Variants in SPTBN2 observed in about 807,000 individuals in gnomAD.
SPTBN2 encodes spectrin beta, non-erythrocytic 2.
SPTBN2 carries 107 observed loss-of-function variants against 284.2 expected under a neutral mutation model. The observed-to-expected ratio is 0.38, with a 90% confidence interval of 0.32 to 0.44. SPTBN2 has a LOEUF of 0.44. Ranked by LOEUF, SPTBN2 falls within the 20% of genes least tolerant of loss-of-function variation. SPTBN2 has a pLI of 1.00. For synonymous variants in SPTBN2, 1,289 were observed against 1,354.8 expected (o/e 0.95, Z 1.07); for missense variants, 2,569 against 3,287.1 (o/e 0.78, Z 5.34).
In SPTBN2 at chr11:66,708,066, C is replaced by A. The variant is rs547624651; in HGVS notation, c.1350+75G>T. 22 of 1,601,956 alleles carry A rather than the reference C, an allele frequency of 1.4e-5. No individual in the cohort carries two copies. Among genetic ancestry groups the A allele is most frequent in the Non-Finnish European group, 1.8e-5 (21 of 1,170,842 alleles). ...TTTGTGTTTCATTGTCTCTCCACCC[C>A]GCGGGGCTTCTTATCCACCCTGTCT... is the stretch of plus-strand genomic sequence containing the variant. On this transcript the variant is annotated intron_variant, in intron 12 of 37. Coordinates refer to ENST00000533211, the MANE Select transcript of SPTBN2 (RefSeq NM_006946.4). The surrounding 1 kb of genome is among the most constrained non-coding windows in gnomAD (Gnocchi z 4.4).
chr11:66,695,509 C>T (rs1940853330), intron 21 of SPTBN2, among the ~76,000 whole-genome samples: 1 of 152,150 alleles, frequency 6.6e-6, no homozygotes, highest in Non-Finnish European at 1.5e-5. Flanking sequence ...ATCCGGCCAC[C>T]TCGGCCTCCC....
chr11:66,730,384 C>G (rs1467603364), upstream of SPTBN2, among the ~76,000 whole-genome samples: 1 of 151,926 alleles, frequency 6.6e-6, no homozygotes, highest in East Asian at 1.9e-4. Context: ...GAGTTCAAGA[C>G]CAGCCTGGCC....
chr11:66,743,816 G>C (rs2135619155), intron 1 of SPTBN2, among the ~76,000 whole-genome samples: 2 of 152,310 alleles, frequency 1.3e-5, no homozygotes, highest in African/African-American at 4.8e-5. Flanking sequence ...CCCTGGATTA[G>C]GCTGGGAGAT....
rs148768325 is a variant in SPTBN2 at position 66,694,245 on chromosome 11, A to G, written c.4397T>C (p.Val1466Ala). Residue 1466 changes from valine to alanine, a missense_variant, in exon 22 of 38, where the codon GTG becomes GCG. Coordinates refer to ENST00000533211, the MANE Select transcript of SPTBN2 (RefSeq NM_006946.4). ...GCACAAGGCCCTGAACTTCTCCTCC[A>G]CGGCCCTCGAGGTTCTCTCCACCTC... is the stretch of plus-strand genomic sequence containing the variant. ...AGEVERTSRA[V>A]EEKFRALCQP... 19 of 1,614,074 alleles carry G rather than the reference A, an allele frequency of 1.2e-5. No individual in the cohort carries two copies. The highest frequency in any genetic ancestry group is 1.4e-5 in the Non-Finnish European group (17 of 1,180,008).
chr11:66,686,082 C>T lies in SPTBN2; in HGVS notation c.6962G>A (p.Arg2321Gln), dbSNP rs757727990. 21 of 1,613,586 alleles carry T rather than the reference C, an allele frequency of 1.3e-5. No homozygotes were observed. The highest frequency in any genetic ancestry group is 1.7e-5 in the Admixed American group (1 of 59,984). Residue 2321 changes from arginine (R) to glutamine (Q), a missense_variant, in exon 38 of 38, where the codon CGG becomes CAG. Arg to Gln is a conservative substitution (Grantham distance 43). Transcript: ENST00000533211. ...TGTGGCAATGGCTGCATTCACCACCCGTAGCCACGAGCTCATCTCTGCCTG... is the reference window on the plus strand; with the variant it reads ...TGTGGCAATGGCTGCATTCACCACCTGTAGCCACGAGCTCATCTCTGCCTG... ...KDEAEMSSWL[R>Q]VVNAAIATAS...
At chr11:66,686,632 C>T in intron 36 of SPTBN2, 192 bp from the exon 37 acceptor site, 2 of 697,422 alleles carry the variant, frequency 2.9e-6, no homozygotes, top group South Asian at 1.8e-5. Context: ...CTGACTGGCC[C>T]CAGAGGCAGG....
Position 66,721,397 on chromosome 11 carries a change from T to G in SPTBN2, c.-70A>C, listed in dbSNP as rs1363021625. On this transcript the variant is annotated 5_prime_UTR_variant, in exon 2 of 38. Transcript: ENST00000533211. ...CCAGAGGCTGCGGTTGGCTGCTCAGTGGAAATCAGCCCCCAGGGGAAGAGG... is the reference window on the plus strand; with the variant it reads ...CCAGAGGCTGCGGTTGGCTGCTCAGGGGAAATCAGCCCCCAGGGGAAGAGG... The G allele has an allele frequency of 6.0e-6, 6 of 1,007,136 alleles. No individual in the cohort carries two copies. The Admixed American group carries it at 9.5e-5, about 16-fold the overall frequency. 62.4% of individuals were successfully genotyped at this position (1,007,136 alleles called of 1,614,324 possible).
Position 66,700,846 on chromosome 11 carries a change from G to A in SPTBN2, c.3253C>T (p.Gln1085Ter). The change falls in exon 17 of 38, where the codon CAG becomes TAG. Residue 1085 changes from glutamine (Q) to a stop codon, truncating the protein, a stop_gained. Transcript: ENST00000533211. LOFTEE classifies it high-confidence loss of function. This position sits in a 1 kb window ranked among gnomAD's most constrained non-coding sequence, Gnocchi z 6.6. ...CCTTCTTCAGAGGCCACAGCAGTCT[G>A]AGTGCGGCCTAGCCAGGCCTGGAAG... ...DDFQAWLGRT[Q>*]TAVASEEGPA... 6.2e-7 allele frequency: 1 copy of A among 1,600,204 alleles called. No individual in the cohort carries two copies. The highest frequency in any genetic ancestry group is 1.1e-5 in the South Asian group (1 of 91,084).
At chr11:66,692,304 T>C (rs986301665) in intron 26 of SPTBN2, among the ~76,000 whole-genome samples, 1 of 152,110 alleles carries the variant, frequency 6.6e-6, no homozygotes, top group African/African-American at 2.4e-5. Flanking sequence ...CTTGAACTCC[T>C]GGACTCAAGC....
At position 66,684,849 on chromosome 11, in the gene SPTBN2, C is replaced by T. The variant is rs1486144046; in HGVS notation, c.*1022G>A. On this transcript the variant is annotated 3_prime_UTR_variant, in exon 38 of 38. Transcript: ENST00000533211. ...AAGCACCCGCTGTGTGCTCAGCTTTCCACCACTGGGCTGAGCAGTGGCTGA... is the reference window on the plus strand; with the variant it reads ...AAGCACCCGCTGTGTGCTCAGCTTTTCACCACTGGGCTGAGCAGTGGCTGA... Among the ~76,000 whole-genome samples, 1 of 152,112 alleles carries T rather than the reference C, an allele frequency of 6.6e-6. No homozygotes were observed. The highest frequency in any genetic ancestry group is 1.5e-5 in the Non-Finnish European group (1 of 68,022).
intron 1 of SPTBN2, among the ~76,000 whole-genome samples, chr11:66,743,105 C>G (rs1353427248): frequency 3.3e-5 from 4 of 120,240 alleles, no homozygotes. Flanking sequence ...TGAAAAAGGA[C>G]AAGAGACTGG....
chr11:66,709,106 T>C, intron 10 of SPTBN2, 87 bp from the exon 11 acceptor site: 1 of 1,103,898 alleles, frequency 9.1e-7, no homozygotes, highest in Non-Finnish European at 1.4e-6. Flanking sequence ...TGTCCTGTGT[T>C]GCTTTTCTTC....
chr11:66,721,111 C>CA lies in SPTBN2; in HGVS notation c.129dup (p.Glu44Ter). On this transcript the variant is annotated frameshift_variant, in exon 3 of 38. Coordinates refer to ENST00000533211, the MANE Select transcript of SPTBN2 (RefSeq NM_006946.4). LOFTEE classifies it high-confidence loss of function. ...GCCAGAGCCTTAATGCGAGACCTCT[C>CA]AAAGAGGCGGGCCGAGCTGCTGTCA... 1 of 1,614,208 alleles carries CA rather than the reference C, an allele frequency of 6.2e-7. No homozygotes were observed. Among genetic ancestry groups the CA allele is most frequent in the Non-Finnish European group, 8.5e-7 (1 of 1,180,036 alleles).
chr11:66,710,658 A>C lies in SPTBN2; in HGVS notation c.997T>G (p.Leu333Val). 1.2e-6 allele frequency: 2 copies of C among 1,614,178 alleles called. No individual in the cohort carries two copies. Among genetic ancestry groups the C allele is most frequent in the Non-Finnish European group, 1.7e-6 (2 of 1,180,024 alleles). Reference protein sequence around the residue: ...QTIVTLNDRQLANSLSGVQNQ... With the variant: ...QTIVTLNDRQVANSLSGVQNQ... ...TGGACCCCGCTAAGGGAGTTGGCCAACTGCCGGTCATTGAGGGTCACGATC... is the reference window on the plus strand; with the variant it reads ...TGGACCCCGCTAAGGGAGTTGGCCACCTGCCGGTCATTGAGGGTCACGATC... Residue 333 changes from leucine (L) to valine (V), a missense_variant, in exon 10 of 38, where the codon TTG (leucine) becomes GTG (valine). Transcript: ENST00000533211. The surrounding 1 kb of genome is among the most constrained non-coding windows in gnomAD (Gnocchi z 4.9).
Position 66,722,121 on chromosome 11 carries a change from G to A in SPTBN2, c.-113-681C>T, listed in dbSNP as rs61537930. 7.5e-3 allele frequency among the ~76,000 whole-genome samples: 1,146 copies of A among 152,258 alleles called. 18 individuals carry two copies. Among genetic ancestry groups the A allele is most frequent in the East Asian group, 0.069 (360 of 5,182 alleles). ...AGGAGGACACAGTATGCTTCTCTCCGCTTTGTTTCCTTTGGTTTGCCACAG... is the reference window on the plus strand; with the variant it reads ...AGGAGGACACAGTATGCTTCTCTCCACTTTGTTTCCTTTGGTTTGCCACAG... On this transcript the variant is annotated intron_variant, in intron 1 of 37. Coordinates refer to ENST00000533211, the MANE Select transcript of SPTBN2 (RefSeq NM_006946.4).
At chr11:66,734,189 T>A (rs1032996333), upstream of SPTBN2, among the ~76,000 whole-genome samples, 2 of 152,114 alleles carry the variant, frequency 1.3e-5, no homozygotes, top group Admixed American at 6.5e-5. Context: ...GAGTTCCTTT[T>A]CTGCTTGTCG....
chr11:66,726,661 G>A (rs763332198), intron 1 of SPTBN2, among the ~76,000 whole-genome samples: 1 of 152,232 alleles, frequency 6.6e-6, no homozygotes, highest in Non-Finnish European at 1.5e-5. Context: ...GATGGAGTAG[G>A]TACCACAGGT....
intron 25 of SPTBN2, 64 bp from the exon 26 acceptor site, chr11:66,692,804 C>G: frequency 6.3e-7 from 1 of 1,597,902 alleles, no homozygotes; most frequent in Non-Finnish European, 8.5e-7. Context: ...CCGGTCTGTT[C>G]TGTGGAGCCC....
At position 66,707,127 on chromosome 11, in the gene SPTBN2, G is replaced by A. The variant is rs895504841; in HGVS notation, c.1653+389C>T. Among the ~76,000 whole-genome samples the A allele has an allele frequency of 3.3e-5, 5 of 152,224 alleles. No homozygotes were observed. Among genetic ancestry groups the A allele is most frequent in the African/African-American group, 7.2e-5 (3 of 41,460 alleles). On this transcript the variant is annotated intron_variant, in intron 13 of 37. Transcript: ENST00000533211. This position sits in a 1 kb window ranked among gnomAD's most constrained non-coding sequence, Gnocchi z 4.9. ...CTGATCCAGGCCGAGGGCCTGTGCCGGCTGTTCCTTCTGCCCGGAACATTC... is the reference window on the plus strand; with the variant it reads ...CTGATCCAGGCCGAGGGCCTGTGCCAGCTGTTCCTTCTGCCCGGAACATTC...
Sources: gnomAD v4.1 joint callset for allele counts (sites outside exome capture counted in the v4.1 genomes callset) on GRCh38, gnomAD v4.1.1 for gene constraint, Gnocchi (gnomAD v3.1) non-coding constraint, MANE v1.5 for transcripts, NCBI Gene and HGNC (gene_info 2026-07-23, HGNC 2026-07-21) for gene names.